ACVR1: variants seen among roughly 807,000 people sequenced by gnomAD.
The protein encoded by ACVR1 is activin A receptor type 1.
In ACVR1, 38 loss-of-function variants were observed where a neutral mutation model predicts 57.1. The ratio of observed to expected loss-of-function variants is 0.67; its 90% confidence interval spans 0.51 to 0.87. The LOEUF (loss-of-function observed/expected upper bound fraction) is 0.87. Ranked by LOEUF, ACVR1 falls within the 40% of genes least tolerant of loss-of-function variation. The pLI, the probability that ACVR1 is intolerant of heterozygous loss-of-function variation, is 0.00. For missense variants in ACVR1, 463 were observed against 638.2 expected, an observed-to-expected ratio of 0.73 and a Z score of 2.96; for synonymous variants, 212 against 228.1, an observed-to-expected ratio of 0.93 and a Z score of 0.63.
intron 1 of ACVR1, among the ~76,000 whole-genome samples, chr2:157,861,194 T>C (rs961270102): frequency 6.6e-6 from 1 of 152,220 alleles, no homozygotes; most frequent in Non-Finnish European, 1.5e-5. Context: ...TTCACTTTAC[T>C]GTACATTGGC....
chr2:157,750,606 C>T (rs1035913439), intron 9 of ACVR1, among the ~76,000 whole-genome samples: 13 of 152,138 alleles, frequency 8.5e-5, no homozygotes, highest in Admixed American at 2.0e-4. Flanking sequence ...TCTTTCCCTA[C>T]AAAAACCAAA....
At chr2:157,871,435 T>C (rs1368156658) in intron 1 of ACVR1, among the ~76,000 whole-genome samples, 1 of 152,136 alleles carries the variant, frequency 6.6e-6, no homozygotes, top group Admixed American at 6.5e-5. Flanking sequence ...TCAGGACACT[T>C]ATGCTAAAAG....
At chr2:157,869,333 C>G (rs537564449) in intron 1 of ACVR1, among the ~76,000 whole-genome samples, 4 of 152,238 alleles carry the variant, frequency 2.6e-5, no homozygotes, top group African/African-American at 9.6e-5. Context: ...GAAATCCACA[C>G]AAAAAGAAAA....
At chr2:157,814,328 T>A (rs952225350) in intron 2 of ACVR1, among the ~76,000 whole-genome samples, 1 of 152,120 alleles carries the variant, frequency 6.6e-6, no homozygotes, top group Non-Finnish European at 1.5e-5. Context: ...AACACAAGCA[T>A]AGAAAGATAA....
At position 157,871,298 on chromosome 2, in the gene ACVR1, A is replaced by G. The variant is rs200079134; in HGVS notation, c.-183+4498T>C. On this transcript the variant is annotated intron_variant, in intron 1 of 10. Transcript: ENST00000434821. The stretch of plus-strand genomic sequence containing the variant: ...AAATCCAGAAAGCATTCTTGCTTGC[A>G]GTAAGATTACTCTGAGCCTTGAAGA... 4.6e-5 allele frequency among the ~76,000 whole-genome samples: 7 copies of G among 152,338 alleles called. No homozygotes were observed. The East Asian group carries it at 1.3e-3, about 29-fold the overall frequency.
intron 2 of ACVR1, among the ~76,000 whole-genome samples, chr2:157,800,120 T>C (rs1172630569): frequency 6.6e-6 from 1 of 152,188 alleles, no homozygotes; most frequent in East Asian, 1.9e-4. Context: ...ACTAAAATCA[T>C]GTAAAAATAA....
At chr2:157,763,508 C>T (rs910013951) in intron 8 of ACVR1, among the ~76,000 whole-genome samples, 1 of 152,130 alleles carries the variant, frequency 6.6e-6, no homozygotes. Flanking sequence ...CACTTGAGCT[C>T]AGGTGTTCAA....
rs111748826 is a variant in ACVR1 at position 157,764,193 on chromosome 2, T to TA, written c.1066+1727_1066+1728insT. ...AATATATGATCACACTATATATATATTTTTTTTTAGACGAAGTCTCGCTCT... is the reference window on the plus strand; with the variant it reads ...AATATATGATCACACTATATATATATATTTTTTTTAGACGAAGTCTCGCTCT... On this transcript the variant is annotated intron_variant, in intron 8 of 10. Transcript: ENST00000434821. Among the ~76,000 whole-genome samples the TA allele has an allele frequency of 5.8e-3, 870 of 151,262 alleles. 4 individuals carry two copies. Among genetic ancestry groups the TA allele is most frequent in the Non-Finnish European group, 8.8e-3 (597 of 67,724 alleles).
At chr2:157,768,931 T>TG (rs1685976373) in intron 7 of ACVR1, among the ~76,000 whole-genome samples, 1 of 152,240 alleles carries the variant, frequency 6.6e-6, no homozygotes, top group Non-Finnish European at 1.5e-5. Context: ...TTACTACTGT[T>TG]GCTATTCTTG....
chr2:157,794,231 T>C lies in ACVR1; in HGVS notation c.67+5196A>G, dbSNP rs772908386. On this transcript the variant is annotated intron_variant, in intron 3 of 10. Transcript: ENST00000434821. ...AGTAGTATTAGAGCATGATTAGTCT[T>C]ATTAATGGGAAGGAAAGGGAAGGAT... 9.0e-4 allele frequency among the ~76,000 whole-genome samples: 137 copies of C among 152,176 alleles called. 1 individual carries two copies. The highest frequency in any genetic ancestry group is 3.1e-4 in the Non-Finnish European group (21 of 68,024).
At chr2:157,792,409 T>A (rs1321659480) in intron 3 of ACVR1, among the ~76,000 whole-genome samples, 3 of 152,158 alleles carry the variant, frequency 2.0e-5, no homozygotes, top group Admixed American at 6.5e-5. Flanking sequence ...AAGGTGCAAA[T>A]GTAAACTTCC....
chr2:157,869,191 T>C (rs1690035591), intron 1 of ACVR1, among the ~76,000 whole-genome samples: 1 of 152,188 alleles, frequency 6.6e-6, no homozygotes, highest in African/African-American at 2.4e-5. Flanking sequence ...ATCAAGATGA[T>C]GATGATGATG....
Position 157,803,007 on chromosome 2 carries a change from G to A in ACVR1, c.-7-3507C>T, listed in dbSNP as rs183699947. ...GACACACACAGAGAGACCTGCAAAG[G>A]AATGGCAAGATTAAGAGATTTATCA... On this transcript the variant is annotated intron_variant, in intron 2 of 10. Coordinates refer to ENST00000434821, the MANE Select transcript of ACVR1 (RefSeq NM_001111067.4). 2.3e-4 allele frequency among the ~76,000 whole-genome samples: 35 copies of A among 151,926 alleles called. 1 individual carries two copies. Among genetic ancestry groups the A allele is most frequent in the Middle Eastern group, 6.8e-3 (2 of 292 alleles).
intron 5 of ACVR1, 136 bp from the exon 6 acceptor site, chr2:157,774,323 G>C: frequency 1.4e-6 from 1 of 729,588 alleles, no homozygotes. Flanking sequence ...TACATGTAAA[G>C]CTCCTCTGGA....
At chr2:157,823,238 A>C (rs1164680976) in intron 1 of ACVR1, among the ~76,000 whole-genome samples, 3 of 152,182 alleles carry the variant, frequency 2.0e-5, no homozygotes, top group Non-Finnish European at 4.4e-5. Context: ...AATTCTTTCT[A>C]CTGTCATTGT....
intron 9 of ACVR1, among the ~76,000 whole-genome samples, chr2:157,757,849 T>A (rs2105247298): frequency 6.7e-6 from 1 of 150,342 alleles, no homozygotes; most frequent in East Asian, 2.0e-4. Flanking sequence ...GAGAAAAAAT[T>A]CAAATTTAAG....
At chr2:157,796,395 T>C (rs1379078906) in intron 3 of ACVR1, among the ~76,000 whole-genome samples, 1 of 150,726 alleles carries the variant, frequency 6.6e-6, no homozygotes, top group Non-Finnish European at 1.5e-5. Context: ...CTACTAAAAA[T>C]GCAAAACAAT....
At chr2:157,818,155 A>G (rs991699423) in intron 2 of ACVR1, among the ~76,000 whole-genome samples, 57 of 152,218 alleles carry the variant, frequency 3.7e-4, no homozygotes, top group African/African-American at 1.3e-3. Flanking sequence ...GATCCACCCA[A>G]CAAAGCCTAC....
chr2:157,840,989 G>A (rs1688954265), intron 1 of ACVR1, among the ~76,000 whole-genome samples: 1 of 152,194 alleles, frequency 6.6e-6, no homozygotes, highest in African/African-American at 2.4e-5. Flanking sequence ...TGATCCCGAC[G>A]GCAACCACAA....
Sources: gnomAD v4.1 joint callset for allele counts (sites outside exome capture counted in the v4.1 genomes callset) on GRCh38, gnomAD v4.1.1 for gene constraint, MANE v1.5 for transcripts, NCBI Gene and HGNC (gene_info 2026-07-23, HGNC 2026-07-21) for gene names.